Variants in PAIP2 observed in about 807,000 individuals in gnomAD.
PAIP2 encodes polyadenylate-binding protein-interacting protein 2.
PAIP2 carries 7 observed loss-of-function variants against 14.8 expected under a neutral mutation model. That is an observed-to-expected ratio of 0.47 (90% CI 0.27 to 0.89). The LOEUF is 0.89. Among genes scored for constraint, PAIP2 ranks in the 40% least tolerant of loss-of-function variants. PAIP2 has a pLI of 0.13. For missense variants in PAIP2, 122 were observed against 154.7 expected, an observed-to-expected ratio of 0.79 and a Z score of 1.12; for synonymous variants, 47 against 45.3, an observed-to-expected ratio of 1.04 and a Z score of -0.15.
intron 1 of PAIP2, among the ~76,000 whole-genome samples, chr5:139,360,615 C>T (rs1462297347): frequency 6.6e-6 from 1 of 152,062 alleles, no homozygotes; most frequent in East Asian, 1.9e-4. Context: ...ACCTTGGCCT[C>T]CCAAGTAGCT....
At chr5:139,366,617 C>T (rs73255265) in intron 3 of PAIP2, among the ~76,000 whole-genome samples, 1,874 of 152,182 alleles carry the variant, frequency 0.012, 46 homozygotes, top group African/African-American at 0.043. Flanking sequence ...AATCCAGTTG[C>T]CCTGCAGAGT....
chr5:139,364,489 A>AAAC, intron 2 of PAIP2, 75 bp from the exon 3 acceptor site: 1 of 829,774 alleles, frequency 1.2e-6, no homozygotes, highest in Non-Finnish European at 1.9e-6. Context: ...TAAATGGTTT[A>AAAC]GTTCAAGATA....
intron 1 of PAIP2, among the ~76,000 whole-genome samples, chr5:139,351,333 A>C (rs1279983804): frequency 6.6e-6 from 1 of 152,046 alleles, no homozygotes; most frequent in African/African-American, 2.4e-5. Context: ...AAAAAGAGTG[A>C]TCATAGCAAG....
At chr5:139,346,322 A>T (rs950247903) in intron 1 of PAIP2, among the ~76,000 whole-genome samples, 1 of 152,056 alleles carries the variant, frequency 6.6e-6, no homozygotes, top group African/African-American at 2.4e-5. Flanking sequence ...GCTCACTGCA[A>T]CCTCCGCCTC....
At chr5:139,367,431 A>G (rs1757319633) in intron 3 of PAIP2, 1 of 152,130 alleles carries the variant, frequency 6.6e-6, no homozygotes, top group Admixed American at 6.6e-5. Flanking sequence ...ATAGCATAAC[A>G]TTGGTACAAG....
chr5:139,352,169 G>GAA (rs368205101), intron 1 of PAIP2, among the ~76,000 whole-genome samples: 40 of 131,878 alleles, frequency 3.0e-4, no homozygotes, highest in South Asian at 9.8e-4. Context: ...TCCAAAATCT[G>GAA]AAAAAAAAAA....
intron 1 of PAIP2, among the ~76,000 whole-genome samples, chr5:139,352,978 T>C (rs1756793286): frequency 6.6e-6 from 1 of 151,448 alleles, no homozygotes; most frequent in African/African-American, 2.4e-5. Flanking sequence ...TAGCCGGGCG[T>C]GGTGGAGCAT....
rs1158694556 is a variant in PAIP2 at position 139,353,127 on chromosome 5, A to C, written c.-26-10632A>C. ...TGTCTCAAAAAAAAAAAAAAGTAAC[A>C]GCTGAGTATAGTCAGCCTCTCAGTT... On this transcript the variant is annotated intron_variant, in intron 1 of 3. Coordinates refer to ENST00000265192, the MANE Select transcript of PAIP2 (RefSeq NM_016480.5). Among the ~76,000 whole-genome samples, 3 of 151,670 alleles carry C rather than the reference A, an allele frequency of 2.0e-5. No homozygotes were observed. In the East Asian group the frequency reaches 5.8e-4, roughly 30 times the overall value.
chr5:139,348,866 C>T (rs909611856), intron 1 of PAIP2, among the ~76,000 whole-genome samples: 14 of 150,634 alleles, frequency 9.3e-5, no homozygotes, highest in Admixed American at 1.3e-4. Context: ...TTAGTAGAGA[C>T]GGTTTCGCCA....
At chr5:139,368,210 C>T (rs573836882) in intron 3 of PAIP2, among the ~76,000 whole-genome samples, 20 of 152,228 alleles carry the variant, frequency 1.3e-4, no homozygotes, top group Admixed American at 2.0e-4. Flanking sequence ...TGGCGGTGGG[C>T]GCCTGTAGTC....
intron 3 of PAIP2, chr5:139,365,153 A>G (rs1581323249): frequency 7.1e-6 from 1 of 141,268 alleles, no homozygotes. Context: ...AAATAAATAA[A>G]TAAATAAATA....
intron 1 of PAIP2, among the ~76,000 whole-genome samples, chr5:139,345,474 T>C (rs1756511484): frequency 6.6e-6 from 1 of 152,136 alleles, no homozygotes; most frequent in Non-Finnish European, 1.5e-5. Flanking sequence ...CCAAAGGAAG[T>C]ATGCTTAAAC....
chr5:139,343,708 GT>G (rs61419083), intron 1 of PAIP2, among the ~76,000 whole-genome samples: 2,815 of 130,890 alleles, frequency 0.022, 18 homozygotes, highest in African/African-American at 0.053. Context: ...GGCAGAGCAA[GT>G]TTTTTTTTTT....
At chr5:139,365,483 C>CT (rs1398852185) in intron 3 of PAIP2, among the ~76,000 whole-genome samples, 1 of 150,124 alleles carries the variant, frequency 6.7e-6, no homozygotes, top group African/African-American at 2.5e-5. Flanking sequence ...GAGTGAGACT[C>CT]TGACTCAAAA....
chr5:139,357,352 C>T (rs1756945686), intron 1 of PAIP2, among the ~76,000 whole-genome samples: 1 of 152,172 alleles, frequency 6.6e-6, no homozygotes. Flanking sequence ...CAAAGCATCT[C>T]CTTCACCAGC....
chr5:139,355,137 TA>T (rs1388339324), intron 1 of PAIP2, among the ~76,000 whole-genome samples: 1 of 149,398 alleles, frequency 6.7e-6, no homozygotes, highest in Non-Finnish European at 1.5e-5. Flanking sequence ...AGTTTACTTT[TA>T]AACTCCAAAA....
chr5:139,362,028 A>G (rs556664719), intron 1 of PAIP2, among the ~76,000 whole-genome samples: 1 of 152,054 alleles, frequency 6.6e-6, no homozygotes, highest in African/African-American at 2.4e-5. Flanking sequence ...GAGAAAAAGC[A>G]GACACAGAAT....
intron 1 of PAIP2, among the ~76,000 whole-genome samples, chr5:139,348,447 C>T (rs897636245): frequency 1.3e-5 from 2 of 151,844 alleles, no homozygotes; most frequent in African/African-American, 4.8e-5. Context: ...CTCTGCCTCC[C>T]GGGTTCACGC....
chr5:139,368,804 C>T lies in PAIP2; in HGVS notation c.*6C>T, dbSNP rs747318352. ...TGAAGTACGGAAATATTTGAGTAGA[C>T]GGGGCCCTCTTTTGGTGGATGTAGC... On this transcript the variant is annotated 3_prime_UTR_variant, in exon 4 of 4. Transcript: ENST00000265192. 1.4e-5 allele frequency: 23 copies of T among 1,602,560 alleles called. No homozygotes were observed. Among genetic ancestry groups the T allele is most frequent in the South Asian group, 4.4e-5 (4 of 90,754 alleles).
Sources: allele counts gnomAD v4.1 joint callset (sites outside exome capture counted in the v4.1 genomes callset), GRCh38; gene constraint gnomAD v4.1.1; transcripts MANE v1.5; gene names NCBI Gene and HGNC (gene_info 2026-07-23, HGNC 2026-07-21).